The following CHSY3 variants were observed in gnomAD, a reference collection of about 807,000 sequenced individuals.
CHSY3 encodes the protein N-acetylgalactosaminyl-proteoglycan 3-beta-glucuronosyltransferase 3.
In CHSY3, 35 loss-of-function variants were observed where a neutral mutation model predicts 67.2. The observed-to-expected ratio is 0.52, with a 90% CI of 0.40 to 0.69. The LOEUF (loss-of-function observed/expected upper bound fraction) is 0.69, where lower values mean the gene tolerates loss of function less well. Among genes scored for constraint, CHSY3 ranks in the 30% least tolerant of loss-of-function variants. The pLI is 0.00. For synonymous variants in CHSY3, 474 were observed against 434.7 expected (o/e 1.09, Z -1.12); for missense variants, 1,069 against 1,138.5 (o/e 0.94, Z 0.88).
At chr5:129,990,862 T>C (rs1398669075) in intron 2 of CHSY3, among the ~76,000 whole-genome samples, 2 of 152,046 alleles carry the variant, frequency 1.3e-5, no homozygotes, top group African/African-American at 2.4e-5. Flanking sequence ...GGTGGTAACA[T>C]GATGGTTGAC....
chr5:130,165,530 T>C (rs534414250), intron 2 of CHSY3, among the ~76,000 whole-genome samples: 3 of 152,096 alleles, frequency 2.0e-5, no homozygotes, highest in Non-Finnish European at 4.4e-5. Context: ...TTCTTGTTTA[T>C]AGTTTTGTTT....
chr5:130,103,266 A>G (rs910696282), intron 2 of CHSY3, among the ~76,000 whole-genome samples: 2 of 152,180 alleles, frequency 1.3e-5, no homozygotes, highest in East Asian at 3.9e-4. Context: ...CTATTAATGC[A>G]GGAGACGGGT....
At chr5:130,062,613 C>G (rs1270400593) in intron 2 of CHSY3, among the ~76,000 whole-genome samples, 2 of 151,960 alleles carry the variant, frequency 1.3e-5, no homozygotes, top group African/African-American at 2.4e-5. Flanking sequence ...ATGTGCATAC[C>G]TATGTAATAA....
At chr5:130,089,726 C>A (rs1008223803) in intron 2 of CHSY3, among the ~76,000 whole-genome samples, 1 of 152,062 alleles carries the variant, frequency 6.6e-6, no homozygotes, top group Non-Finnish European at 1.5e-5. Flanking sequence ...AACTGGATTT[C>A]TCTTATTTTG....
chr5:130,109,078 A>G (rs1480439425), intron 2 of CHSY3, among the ~76,000 whole-genome samples: 1 of 151,742 alleles, frequency 6.6e-6, no homozygotes, highest in Non-Finnish European at 1.5e-5. Context: ...CAGGCACATC[A>G]GTGTCTAAAA....
chr5:129,919,381 G>A (rs1458149544), intron 2 of CHSY3, among the ~76,000 whole-genome samples: 1 of 152,160 alleles, frequency 6.6e-6, no homozygotes, highest in Admixed American at 6.5e-5. Flanking sequence ...GTTGCACTCA[G>A]TGGACATAGT....
At chr5:130,098,219 A>AC (rs1280198029) in intron 2 of CHSY3, among the ~76,000 whole-genome samples, 1 of 151,962 alleles carries the variant, frequency 6.6e-6, no homozygotes, top group Non-Finnish European at 1.5e-5. Context: ...CTCCTGCCTT[A>AC]CCCCCTCCTT....
chr5:129,985,566 G>A (rs1421965600), intron 2 of CHSY3, among the ~76,000 whole-genome samples: 1 of 151,836 alleles, frequency 6.6e-6, no homozygotes, highest in Admixed American at 6.6e-5. Flanking sequence ...TGTGAAAAAT[G>A]TCATTGGTAG....
At chr5:130,049,371 G>C (rs574897494) in intron 2 of CHSY3, among the ~76,000 whole-genome samples, 17 of 151,940 alleles carry the variant, frequency 1.1e-4, no homozygotes, top group Non-Finnish European at 2.5e-4. Context: ...CATAGTACAG[G>C]CTTCTCTTAT....
chr5:130,146,779 TTTTTGTTTTG>T (rs536430526), intron 2 of CHSY3, among the ~76,000 whole-genome samples: 181 of 151,932 alleles, frequency 1.2e-3, no homozygotes, highest in African/African-American at 4.2e-3. Context: ...TTTCATTTGT[TTTTTGTTTTG>T]TTTTGTTTTG....
At chr5:130,022,008 A>G (rs1186112347) in intron 2 of CHSY3, among the ~76,000 whole-genome samples, 1 of 152,070 alleles carries the variant, frequency 6.6e-6, no homozygotes, top group Admixed American at 6.6e-5. Context: ...CTTTATTTGT[A>G]TGAATGAATT....
chr5:130,034,064 T>C (rs1271290197), intron 2 of CHSY3, among the ~76,000 whole-genome samples: 1 of 152,162 alleles, frequency 6.6e-6, no homozygotes, highest in African/African-American at 2.4e-5. Flanking sequence ...CTTTTAACTA[T>C]TGCTTAAGTT....
intron 1 of CHSY3, chr5:129,905,890 CG>C: frequency 4.3e-5 from 32 of 748,172 alleles, no homozygotes; most frequent in Admixed American, 1.6e-4. Context: ...GGTGCCGCCT[CG>C]CGCTTGTCCC....
chr5:130,079,287 A>G (rs1387632542), intron 2 of CHSY3, among the ~76,000 whole-genome samples: 1 of 152,084 alleles, frequency 6.6e-6, no homozygotes, highest in East Asian at 1.9e-4. Flanking sequence ...TACCTCTTCT[A>G]CGTAGAACAT....
intron 2 of CHSY3, among the ~76,000 whole-genome samples, chr5:130,039,584 A>G (rs2149664537): frequency 7.2e-6 from 1 of 139,736 alleles, no homozygotes; most frequent in South Asian, 2.3e-4. Context: ...TTGTTTTGAG[A>G]CAGGGAGTGC....
At position 130,184,649 on chromosome 5, in the gene CHSY3, A is replaced by G. The variant is rs757450173; in HGVS notation, c.1507A>G (p.Met503Val). Residue 503 changes from methionine to valine, a missense_variant, in exon 3 of 3, where the codon ATG becomes GTG. Coordinates refer to ENST00000305031, the MANE Select transcript of CHSY3 (RefSeq NM_175856.5). ...ACTGGATGATACCGTCCTACAGGTG[A>G]TGGAGATGATCAATGAGAATGCCAA... ...TALDDTVLQV[M>V]EMINENAKSR... 15 of 1,604,150 alleles carry G rather than the reference A, an allele frequency of 9.4e-6. 1 individual carries two copies. The Admixed American group carries it at 2.5e-4, about 27-fold the overall frequency.
chr5:130,043,740 A>G (rs945381921), intron 2 of CHSY3, among the ~76,000 whole-genome samples: 23 of 131,408 alleles, frequency 1.8e-4, no homozygotes, highest in Non-Finnish European at 2.8e-4. Context: ...AAATCATTGG[A>G]AAAACACCTG....
chr5:129,958,163 G>A (rs1009226151), intron 2 of CHSY3, among the ~76,000 whole-genome samples: 1 of 152,080 alleles, frequency 6.6e-6, no homozygotes, highest in Non-Finnish European at 1.5e-5. Flanking sequence ...ATATTAGAGT[G>A]TTATTAGTTT....
intron 2 of CHSY3, among the ~76,000 whole-genome samples, chr5:129,940,666 TGTGTGTGTGTGA>T (rs1761668782): frequency 1.3e-5 from 2 of 151,932 alleles, no homozygotes; most frequent in African/African-American, 4.8e-5. Flanking sequence ...TCTTTATGCA[TGTGTGTGTGTGA>T]GTGTGTGTGT....
Sources: gnomAD v4.1 joint callset for allele counts (sites outside exome capture counted in the v4.1 genomes callset) on GRCh38, gnomAD v4.1.1 for gene constraint, MANE v1.5 for transcripts, NCBI Gene and HGNC (gene_info 2026-07-23, HGNC 2026-07-21) for gene names.